EIF4G1: variants seen among roughly 807,000 people sequenced by gnomAD.
EIF4G1 encodes the protein eukaryotic translation initiation factor 4 gamma 1, also known as EIF4-gamma.
Under a neutral mutation model 187.8 loss-of-function variants are expected in EIF4G1, and 4 were observed. The observed-to-expected ratio is 0.02, with a 90% CI of 0.01 to 0.05. The LOEUF (loss-of-function observed/expected upper bound fraction) is 0.05. EIF4G1 is among the 10% of genes least tolerant of loss of function. The pLI, the probability that EIF4G1 is intolerant of heterozygous loss-of-function variation, is 1.00. For synonymous variants in EIF4G1, 844 were observed against 781.4 expected (o/e 1.08, Z -1.34); for missense variants, 1,647 against 2,081.1 (o/e 0.79, Z 4.06).
Position 184,320,998 on chromosome 3 carries a change from G to A in EIF4G1, c.697+5G>A. 1 of 1,613,712 alleles carries A rather than the reference G, an allele frequency of 6.2e-7. No individual in the cohort carries two copies. Among genetic ancestry groups the A allele is most frequent in the Non-Finnish European group, 8.5e-7 (1 of 1,179,952 alleles). On this transcript the variant is annotated splice_donor_5th_base_variant and intron_variant, in intron 9 of 32. Coordinates refer to ENST00000346169, the MANE Select transcript of EIF4G1 (RefSeq NM_198241.3). The stretch of plus-strand genomic sequence containing the variant: ...TTGCTGTCATTGTCCGGCCAGGTAA[G>A]TAAGCCGGTGGGACGGAGCTTTTAT...
At chr3:184,328,459 G>T in intron 26 of EIF4G1, 172 bp from the exon 27 acceptor site, 1 of 903,178 alleles carries the variant, frequency 1.1e-6, no homozygotes, top group Non-Finnish European at 1.8e-6. Context: ...GGGGTTAAGC[G>T]GGGTGAAAAC....
intron 1 of EIF4G1, chr3:184,315,240 C>G (rs1214275078): frequency 2.4e-6 from 1 of 416,942 alleles, no homozygotes; most frequent in African/African-American, 2.0e-5. Context: ...CCTTCCTGGC[C>G]TACACTCCTG....
rs1450714798 is a variant in EIF4G1 at position 184,321,916 on chromosome 3, G to A, written c.1332G>A (p.Thr444=). The change falls in exon 10 of 33, where the codon ACG becomes ACA. Residue 444 remains threonine, a synonymous_variant. Transcript: ENST00000346169. ...CCATCCCCTCTGCTACTCCAGCTAC[G>A]GCTCCTTCAGCTACTTCCCCAGCTC... The part of the protein sequence containing the change: ...PPTIPSATPA[T]APSATSPAQE... 8 of 1,614,182 alleles carry A rather than the reference G, an allele frequency of 5.0e-6. No individual in the cohort carries two copies. Among genetic ancestry groups the A allele is most frequent in the East Asian group, 4.5e-5 (2 of 44,880 alleles).
intron 32 of EIF4G1, among the ~76,000 whole-genome samples, chr3:184,332,730 A>C (rs1257065722): frequency 6.6e-6 from 1 of 152,072 alleles, no homozygotes; most frequent in East Asian, 1.9e-4. Context: ...AAGCGAAGGC[A>C]CTATGTGTGT....
chr3:184,317,885 T>G, intron 6 of EIF4G1, 69 bp downstream of exon 6: 1 of 1,205,142 alleles, frequency 8.3e-7, no homozygotes, highest in Non-Finnish European at 1.2e-6. Context: ...TGCTGATTTC[T>G]AAAGCAGAAG....
At position 184,317,510 on chromosome 3, in the gene EIF4G1, G is replaced by A; in HGVS notation, c.324+13G>A. 3 of 1,613,926 alleles carry A rather than the reference G, an allele frequency of 1.9e-6. No homozygotes were observed. The highest frequency in any genetic ancestry group is 1.3e-5 in the African/African-American group (1 of 75,036). ...CATCCCTGGACAGGTGAGGCTGGGG[G>A]CTTGGAGCCTAGAAGCCACAGACCC... On this transcript the variant is annotated intron_variant, in intron 5 of 32. Transcript: ENST00000346169.
At position 184,320,539 on chromosome 3, in the gene EIF4G1, T is replaced by C. The variant is rs939246976; in HGVS notation, c.538-91T>C. ...TACCTACCTGCTTCCCGCTGGGGGG[T>C]GGGGAGTTGGCCCAGAGTCTTAAGA... On this transcript the variant is annotated intron_variant, in intron 7 of 32. Transcript: ENST00000346169. 2.5e-6 allele frequency: 4 copies of C among 1,604,608 alleles called. No homozygotes were observed. In the African/African-American group the frequency reaches 4.0e-5, roughly 16 times the overall value.
At position 184,334,207 on chromosome 3, in the gene EIF4G1, C is replaced by A. The variant is rs1444690105; in HGVS notation, c.4619-520C>A. Among the ~76,000 whole-genome samples the A allele has an allele frequency of 6.6e-6, 1 of 151,894 alleles. No homozygotes were observed. ...AGTTGAGTCCTGAAGGAACAAGACA[C>A]GAGGAAGTTTCCGGCAAAGGATATA... On this transcript the variant is annotated intron_variant, in intron 32 of 32. Coordinates refer to ENST00000346169, the MANE Select transcript of EIF4G1 (RefSeq NM_198241.3). This position sits in a 1 kb window ranked among gnomAD's most constrained non-coding sequence, Gnocchi z 5.8.
chr3:184,320,465 G>T, intron 7 of EIF4G1, 165 bp from the exon 8 acceptor site: 1 of 1,522,816 alleles, frequency 6.6e-7, no homozygotes, highest in African/African-American at 1.4e-5. Context: ...CAGGGACTAC[G>T]AGAGCAGCCA....
intron 6 of EIF4G1, 63 bp from the exon 7 acceptor site, chr3:184,319,626 G>A (rs1482877055): frequency 1.8e-6 from 2 of 1,096,006 alleles, no homozygotes; most frequent in Non-Finnish European, 2.7e-6. Context: ...GTGTCAGGCA[G>A]GCATTAGTAT....
At position 184,327,370 on chromosome 3, in the gene EIF4G1, A is replaced by G. The variant is rs778412142; in HGVS notation, c.3583A>G (p.Arg1195Gly). 1 of 1,613,556 alleles carries G rather than the reference A, an allele frequency of 6.2e-7. No individual in the cohort carries two copies. ...CAGCAAGGAAGTGGAGGAGCGGAGT[A>G]GAGAACGGCCCTCCCAGCCTGAGGG... is the stretch of plus-strand genomic sequence containing the variant. ...SFSKEVEERSRERPSQPEGLR... is the reference protein window; with the variant it reads ...SFSKEVEERSGERPSQPEGLR... Residue 1195 changes from arginine to glycine, a missense_variant, in exon 24 of 33, where the codon AGA (arginine) becomes GGA (glycine). Around this residue, in one of 11 missense-constraint regions of EIF4G1, gnomAD observed 543 missense variants for 638.0 expected, o/e 0.85. Transcript: ENST00000346169.
At chr3:184,314,703 G>A (rs1041024062) in intron 1 of EIF4G1, 29 bp downstream of exon 1, 1 of 111,904 alleles carries the variant, frequency 8.9e-6, no homozygotes, top group African/African-American at 3.4e-5. Flanking sequence ...GGCCCGACCC[G>A]GCCCCCCCAC....
At chr3:184,324,156 C>G (rs201602619) in intron 16 of EIF4G1, 45 bp from the exon 17 acceptor site, 2 of 1,614,016 alleles carry the variant, frequency 1.2e-6, no homozygotes, top group Non-Finnish European at 1.7e-6. Flanking sequence ...AGGGCCTTCC[C>G]TGCCCAGGAC....
intron 16 of EIF4G1, 93 bp downstream of exon 16, chr3:184,324,070 T>C (rs574898608): frequency 6.2e-7 from 1 of 1,605,272 alleles, no homozygotes; most frequent in Non-Finnish European, 8.5e-7. Flanking sequence ...CCCCTCCAAC[T>C]TGTGCCTCTT....
In EIF4G1 at chr3:184,327,819, G is replaced by A. The variant is rs1279645930; in HGVS notation, c.3781-11G>A. 2 of 1,614,042 alleles carry A rather than the reference G, an allele frequency of 1.2e-6. No individual in the cohort carries two copies. The highest frequency in any genetic ancestry group is 1.1e-5 in the South Asian group (1 of 91,092). ...GACTGGTCTCTTCCTGCTGTGCCCTGCACCCCTCAGGAGGCAGTCCAGTGC... is the reference window on the plus strand; with the variant it reads ...GACTGGTCTCTTCCTGCTGTGCCCTACACCCCTCAGGAGGCAGTCCAGTGC... On this transcript the variant is annotated splice_polypyrimidine_tract_variant and intron_variant, in intron 25 of 32. Coordinates refer to ENST00000346169, the MANE Select transcript of EIF4G1 (RefSeq NM_198241.3).
intron 10 of EIF4G1, 93 bp from the exon 11 acceptor site, chr3:184,322,269 T>A: frequency 6.6e-7 from 1 of 1,524,720 alleles, no homozygotes; most frequent in South Asian, 1.2e-5. Flanking sequence ...GGGGAAATAC[T>A]GTTCTTTGGC....
At chr3:184,330,067 T>C (rs1560229479) in intron 28 of EIF4G1, among the ~76,000 whole-genome samples, 1 of 152,218 alleles carries the variant, frequency 6.6e-6, no homozygotes, top group African/African-American at 2.4e-5. Flanking sequence ...TGCCATAGAT[T>C]ATAAGACATT....
rs200622796 is a variant in EIF4G1 at position 184,315,876 on chromosome 3, CAGG to C, written c.60+21_60+23del. On this transcript the variant is annotated intron_variant, in intron 3 of 32. Transcript: ENST00000346169. Reference sequence around the variant, plus strand: ...CCACAGGTAATTAGGGAGGAATTAGCAGGGGTGGGGGTGGGGGAGACCAGGCAG... The same window carrying C: ...CCACAGGTAATTAGGGAGGAATTAGCGGTGGGGGTGGGGGAGACCAGGCAG... 31,942 of 1,319,856 alleles carry C rather than the reference CAGG, an allele frequency of 0.024. 406 individuals are homozygous for C. The highest frequency in any genetic ancestry group is 0.028 in the Non-Finnish European group (28,096 of 996,644). The allele number at this position is 1,319,856 out of a possible 1,614,324, so 81.8% of individuals were successfully genotyped here.
In EIF4G1 at chr3:184,322,585, A is replaced by G. The variant is rs1362839073; in HGVS notation, c.1650A>G (p.Ala550=). ...AVPEVENQPP[A]GSNPGPESEG... is the part of the protein sequence containing the mutation. ...CAGAGGTGGAAAATCAGCCTCCTGC[A>G]GGCAGCAATCCAGGCCCAGAGTCTG... The change falls in exon 12 of 33, where the codon GCA becomes GCG. Residue 550 remains alanine (A), a synonymous_variant. Transcript: ENST00000346169. 13 of 1,614,108 alleles carry G rather than the reference A, an allele frequency of 8.1e-6. No homozygotes were observed. The Admixed American group carries it at 2.2e-4, about 27-fold the overall frequency.
Sources: allele counts gnomAD v4.1 joint callset (sites outside exome capture counted in the v4.1 genomes callset), GRCh38; gene constraint gnomAD v4.1.1; regional missense constraint gnomAD v4.1.1; non-coding constraint Gnocchi (gnomAD v3.1); transcripts MANE v1.5; gene names NCBI Gene and HGNC (gene_info 2026-07-23, HGNC 2026-07-21).